ZNF445: variants seen among roughly 807,000 people sequenced by gnomAD.
ZNF445 encodes the protein zinc finger protein 168.
ZNF445 carries 19 observed loss-of-function variants against 93.9 expected under a neutral mutation model. That is an observed-to-expected ratio of 0.20 (90% confidence interval 0.14 to 0.30). The LOEUF (loss-of-function observed/expected upper bound fraction) is 0.30. ZNF445 is among the 10% of genes least tolerant of loss of function. ZNF445 has a pLI of 1.00. For missense variants in ZNF445, 1,058 were observed against 1,259.4 expected, an observed-to-expected ratio of 0.84 and a Z score of 2.42; for synonymous variants, 449 against 446.3, an observed-to-expected ratio of 1.01 and a Z score of -0.08.
Position 44,448,138 on chromosome 3 carries a change from TTTCTC to T in ZNF445, c.1528_1532del (p.Glu510SerfsTer3). On this transcript the variant is annotated frameshift_variant, in exon 8 of 8. Transcript: ENST00000396077. LOFTEE classifies it high-confidence loss of function. ...TCCCACACACCCTACATTTAAATGC[TTTCTC>T]TTGAGTGTGAAGTCTCTGATGATAC... is the stretch of plus-strand genomic sequence containing the variant. 6.2e-7 allele frequency: 1 copy of T among 1,614,186 alleles called. No homozygotes were observed. The highest frequency in any genetic ancestry group is 8.5e-7 in the Non-Finnish European group (1 of 1,180,036).
At chr3:44,455,028 T>A (rs1487720051) in intron 3 of ZNF445, 93 bp downstream of exon 3, 1 of 1,478,142 alleles carries the variant, frequency 6.8e-7, no homozygotes, top group South Asian at 1.2e-5. Context: ...CACTCCTCTA[T>A]ATTGACAGTT....
At chr3:44,464,145 A>C (rs928548879) in intron 1 of ZNF445, among the ~76,000 whole-genome samples, 1 of 151,306 alleles carries the variant, frequency 6.6e-6, no homozygotes, top group Non-Finnish European at 1.5e-5. Flanking sequence ...ACAAACAAAC[A>C]AAAAAAACAG....
rs1697684942 is a variant in ZNF445 at position 44,436,593 on chromosome 3, A to G, written c.*9982T>C. The G allele has an allele frequency of 6.6e-6, 1 of 152,148 alleles. No homozygotes were observed. Among genetic ancestry groups the G allele is most frequent in the Non-Finnish European group, 1.5e-5 (1 of 68,044 alleles). The allele number at this position is 152,148 out of a possible 1,614,324, so 9.4% of individuals were successfully genotyped here. ...TACATATCTTCCTCTACAGTATACCAACGAAGTTCTCGCATTTCAACTCAT... is the reference window on the plus strand; with the variant it reads ...TACATATCTTCCTCTACAGTATACCGACGAAGTTCTCGCATTTCAACTCAT... On this transcript the variant is annotated 3_prime_UTR_variant, in exon 8 of 8. Coordinates refer to ENST00000396077, the MANE Select transcript of ZNF445 (RefSeq NM_181489.6).
At position 44,446,604 on chromosome 3, in the gene ZNF445, G is replaced by A. The variant is rs777987649; in HGVS notation, c.3067C>T (p.Arg1023Trp). 7 of 1,614,064 alleles carry A rather than the reference G, an allele frequency of 4.3e-6. No homozygotes were observed. The highest frequency in any genetic ancestry group is 4.2e-6 in the Non-Finnish European group (5 of 1,180,046). ...TCTCTAATATGGTTTTTCATATGCC[G>A]AGCCAGGTTCGAAGACCACCTGAAG... ...KTFRWSSNLA[R>W]HMKNHIRD The change falls in exon 8 of 8, where the codon CGG becomes TGG. Residue 1023 changes from arginine (R) to tryptophan (W), a missense_variant. Coordinates refer to ENST00000396077, the MANE Select transcript of ZNF445 (RefSeq NM_181489.6). The surrounding 1 kb of genome is among the most constrained non-coding windows in gnomAD (Gnocchi z 4.2).
rs906223214 is a variant in ZNF445 at position 44,446,383 on chromosome 3, A to T, written c.*192T>A. On this transcript the variant is annotated 3_prime_UTR_variant, in exon 8 of 8. Coordinates refer to ENST00000396077, the MANE Select transcript of ZNF445 (RefSeq NM_181489.6). This position sits in a 1 kb window ranked among gnomAD's most constrained non-coding sequence, Gnocchi z 4.2. Reference sequence around the variant, plus strand: ...AGGGCTCCAAAGGACATGGTGCTGCACTTCCCCAGCGTCACATCCTAGCAG... The same window carrying T: ...AGGGCTCCAAAGGACATGGTGCTGCTCTTCCCCAGCGTCACATCCTAGCAG... 4 of 751,982 alleles carry T rather than the reference A, an allele frequency of 5.3e-6. No individual in the cohort carries two copies. The South Asian group carries it at 7.5e-5, about 14-fold the overall frequency. 46.6% of individuals were successfully genotyped at this position (751,982 alleles called of 1,614,324 possible).
In ZNF445 at chr3:44,448,572, T is replaced by G. The variant is rs1239746515; in HGVS notation, c.1099A>C (p.Asn367His). 6.2e-7 allele frequency: 1 copy of G among 1,614,008 alleles called. No individual in the cohort carries two copies. Among genetic ancestry groups the G allele is most frequent in the Non-Finnish European group, 8.5e-7 (1 of 1,180,050 alleles). ...TTCTTAACTCTTACTTGTATGGGAT[T>G]TTCACATTGATCCTTCTGCCTGCTC... ...QKSRQKDQCE[N>H]PIQVRVKKEE... Residue 367 changes from asparagine to histidine, a missense_variant, in exon 8 of 8, where the codon AAT becomes CAT. Physicochemically the swap from Asn to His is moderately conservative, Grantham distance 68 (BLOSUM62 1). Transcript: ENST00000396077.
At position 44,455,700 on chromosome 3, in the gene ZNF445, T is replaced by C; in HGVS notation, c.-147-4A>G. 1 of 686,612 alleles carries C rather than the reference T, an allele frequency of 1.5e-6. No individual in the cohort carries two copies. Among genetic ancestry groups the C allele is most frequent in the Admixed American group, 3.2e-5 (1 of 31,498 alleles). The allele number at this position is 686,612 out of a possible 1,614,324, so 42.5% of individuals were successfully genotyped here. On this transcript the variant is annotated splice_polypyrimidine_tract_variant and splice_region_variant and intron_variant, in intron 2 of 7. Transcript: ENST00000396077. ...GTGACTGAAATTACCAGCATTTCTG[T>C]GCAGGAGGGGATGAGAGAATAATGT...
At position 44,437,915 on chromosome 3, in the gene ZNF445, T is replaced by C. The variant is rs191051774; in HGVS notation, c.*8660A>G. 34 of 152,714 alleles carry C rather than the reference T, an allele frequency of 2.2e-4. No homozygotes were observed. The highest frequency in any genetic ancestry group is 2.0e-3 in the Admixed American group (31 of 15,294). The allele number at this position is 152,714 out of a possible 1,614,324, so 9.5% of individuals were successfully genotyped here. A position where few individuals can be genotyped will look rare whatever the true frequency, so the allele number is the denominator to read the frequency against. ...CCAATTCAATCCTAGAGGGTAGGAA[T>C]GCCTAACTTTCTGAGAATGCAGGCC... is the stretch of plus-strand genomic sequence containing the variant. On this transcript the variant is annotated 3_prime_UTR_variant, in exon 8 of 8. Transcript: ENST00000396077.
At chr3:44,463,010 TTTGTG>T in intron 1 of ZNF445, among the ~76,000 whole-genome samples, 1 of 88,922 alleles carries the variant, frequency 1.1e-5, no homozygotes, top group Non-Finnish European at 2.2e-5. Flanking sequence ...TATTTTTTTC[TTTGTG>T]TGTGTGTGTG....
rs1468978577 is a variant in ZNF445, at chr3:44,438,872, G to C, written c.*7703C>G. ...CACACTCTGGGGACTGTTGTGGGGTGGGGGGAGGGGGGGAGGGATAGCATT... is the reference window on the plus strand; with the variant it reads ...CACACTCTGGGGACTGTTGTGGGGTCGGGGGAGGGGGGGAGGGATAGCATT... On this transcript the variant is annotated 3_prime_UTR_variant, in exon 8 of 8. Coordinates refer to ENST00000396077, the MANE Select transcript of ZNF445 (RefSeq NM_181489.6). 2 of 6,546 alleles carry C rather than the reference G, an allele frequency of 3.1e-4. No homozygotes were observed. The highest frequency in any genetic ancestry group is 2.4e-3 in the Non-Finnish European group (2 of 840). The allele number at this position is 6,546 out of a possible 1,614,324, so 0.4% of individuals were successfully genotyped here. A position where few individuals can be genotyped will look rare whatever the true frequency, so the allele number is the denominator to read the frequency against.
rs949017133 is a variant in ZNF445, at chr3:44,455,609, C to T, written c.-60G>A. ...ACCAAGTCCACCTTAGACGTGGGTC[C>T]TCAGAAGTATCTTCTCAGCAGTCAA... On this transcript the variant is annotated 5_prime_UTR_variant, in exon 3 of 8. Transcript: ENST00000396077. The T allele has an allele frequency of 1.1e-5, 16 of 1,475,614 alleles. No individual in the cohort carries two copies. The African/African-American group carries it at 2.3e-4, about 21-fold the overall frequency. 91.4% of individuals were successfully genotyped at this position (1,475,614 alleles called of 1,614,324 possible).
At chr3:44,472,667 C>G (rs964570838) in intron 1 of ZNF445, among the ~76,000 whole-genome samples, 3 of 152,202 alleles carry the variant, frequency 2.0e-5, no homozygotes, top group African/African-American at 7.2e-5. Context: ...CTCTCAAACT[C>G]TGAATGAAAG....
intron 1 of ZNF445, among the ~76,000 whole-genome samples, chr3:44,460,802 T>C (rs1370578198): frequency 5.3e-5 from 8 of 152,216 alleles, no homozygotes; most frequent in Non-Finnish European, 1.0e-4. Context: ...TCTTGATGAA[T>C]CAGCTCTGTC....
intron 1 of ZNF445, among the ~76,000 whole-genome samples, chr3:44,463,096 G>A (rs1052198678): frequency 6.6e-6 from 1 of 150,990 alleles, no homozygotes; most frequent in African/African-American, 2.4e-5. Context: ...GTGTACAATG[G>A]CACGGTCTCA....
Position 44,441,897 on chromosome 3 carries a change from C to G in ZNF445, c.*4678G>C, listed in dbSNP as rs2125676635. 1 of 152,312 alleles carries G rather than the reference C, an allele frequency of 6.6e-6. No homozygotes were observed. Among genetic ancestry groups the G allele is most frequent in the Admixed American group, 6.5e-5 (1 of 15,304 alleles). 9.4% of individuals were successfully genotyped at this position (152,312 alleles called of 1,614,324 possible). ...ACTCATTTCATATTATTTGAATCCACAGAAAATAGATTACTGTGCAAAACA... is the reference window on the plus strand; with the variant it reads ...ACTCATTTCATATTATTTGAATCCAGAGAAAATAGATTACTGTGCAAAACA... On this transcript the variant is annotated 3_prime_UTR_variant, in exon 8 of 8. Coordinates refer to ENST00000396077, the MANE Select transcript of ZNF445 (RefSeq NM_181489.6).
intron 3 of ZNF445, among the ~76,000 whole-genome samples, chr3:44,453,190 C>T (rs948002130): frequency 6.6e-6 from 1 of 151,296 alleles, no homozygotes; most frequent in South Asian, 2.1e-4. Context: ...GGATTACAGG[C>T]GTGAGCCACC....
chr3:44,448,419 C>T lies in ZNF445; in HGVS notation c.1252G>A (p.Gly418Ser), dbSNP rs750743025. 32 of 1,614,064 alleles carry T rather than the reference C, an allele frequency of 2.0e-5. No homozygotes were observed. In the African/African-American group the frequency reaches 4.1e-4, roughly 21 times the overall value. The change falls in exon 8 of 8, where the codon GGC becomes AGC. Residue 418 changes from glycine to serine, a missense_variant. By Grantham distance (56) the Gly-to-Ser change is moderately conservative. Around this residue, in one of 3 missense-constraint regions of ZNF445, gnomAD observed 657 missense variants for 746.4 expected, o/e 0.88. Coordinates refer to ENST00000396077, the MANE Select transcript of ZNF445 (RefSeq NM_181489.6). ...TGTGAACTCATTCTGAAGTGTTTGCCACAGCCATGTTTAAGGGATTCCTTT... is the reference window on the plus strand; with the variant it reads ...TGTGAACTCATTCTGAAGTGTTTGCTACAGCCATGTTTAAGGGATTCCTTT... The part of the protein sequence containing the change: ...GRKESLKHGC[G>S]KHFRMSSHHY...
Position 44,446,633 on chromosome 3 carries a change from T to G in ZNF445, c.3038A>C (p.Lys1013Thr). 1 of 1,614,242 alleles carries G rather than the reference T, an allele frequency of 6.2e-7. No individual in the cohort carries two copies. Among genetic ancestry groups the G allele is most frequent in the Non-Finnish European group, 8.5e-7 (1 of 1,180,048 alleles). Residue 1013 changes from lysine to threonine, a missense_variant, in exon 8 of 8, where the codon AAG becomes ACG. Physicochemically the swap from Lys to Thr is moderately conservative, Grantham distance 78. Around this residue, in one of 3 missense-constraint regions of ZNF445, gnomAD observed 387 missense variants for 475.7 expected, o/e 0.81. Transcript: ENST00000396077. The surrounding 1 kb of genome is among the most constrained non-coding windows in gnomAD (Gnocchi z 4.2). ...CAGGTTCGAAGACCACCTGAAGGTC[T>G]TTCCACACTTGCTGCATTTGAAGGG... ...ERPFKCSKCG[K>T]TFRWSSNLAR...
At chr3:44,466,173 T>A (rs1408452544) in intron 1 of ZNF445, among the ~76,000 whole-genome samples, 2 of 152,198 alleles carry the variant, frequency 1.3e-5, no homozygotes, top group Non-Finnish European at 2.9e-5. Context: ...GTAAAGGTTT[T>A]TCTTTTTTAA....
Sources: gnomAD v4.1 joint callset for allele counts (sites outside exome capture counted in the v4.1 genomes callset) on GRCh38, gnomAD v4.1.1 for gene constraint, gnomAD v4.1.1 regional missense constraint, Gnocchi (gnomAD v3.1) non-coding constraint, MANE v1.5 for transcripts, NCBI Gene and HGNC (gene_info 2026-07-23, HGNC 2026-07-21) for gene names.